Variants in CASK observed in about 807,000 individuals in gnomAD.
The protein encoded by CASK is peripheral plasma membrane protein CASK.
A neutral mutation model predicts 82.9 loss-of-function variants in CASK; 4 were observed. The observed-to-expected ratio is 0.05, with a 90% CI of 0.02 to 0.11. CASK has a LOEUF of 0.11. Ranked by LOEUF, CASK falls within the 10% of genes least tolerant of loss-of-function variation. The pLI is 1.00. For synonymous variants in CASK, 259 were observed against 253.5 expected (o/e 1.02, Z -0.20); for missense variants, 358 against 720.9 (o/e 0.50, Z 5.76).
intron 5 of CASK, chrX:41,683,484 A>G (rs2067395703): frequency 8.9e-6 from 1 of 112,349 alleles, no homozygotes; most frequent in South Asian, 3.7e-4. Flanking sequence ...ACATTTTTAA[A>G]GCCAAACCTC....
In CASK at chrX:41,518,364, C is replaced by T. The variant is rs2064589441; in HGVS notation, c.*2056G>A. 1 of 111,252 alleles carries T rather than the reference C, an allele frequency of 9.0e-6. No individual in the cohort carries two copies. Among genetic ancestry groups the T allele is most frequent in the South Asian group, 3.8e-4 (1 of 2,613 alleles). The allele number at this position is 111,252 out of a possible 1,213,427, so 9.2% of individuals were successfully genotyped here. ...GTCTGGCCTTGGCATCTATCAGATT[C>T]GAATCAGTTCTAACACAGCCCTACC... On this transcript the variant is annotated 3_prime_UTR_variant, in exon 27 of 27. Coordinates refer to ENST00000378163, the MANE Select transcript of CASK (RefSeq NM_001367721.1).
At chrX:41,710,316 T>C (rs1395982074) in intron 5 of CASK, among the ~76,000 whole-genome samples, 1 of 111,308 alleles carries the variant, frequency 9.0e-6, no homozygotes, top group Admixed American at 9.6e-5. Flanking sequence ...TCAAAATTTG[T>C]CCCTCAAATA....
At chrX:41,777,899 G>A (rs1321575789) in intron 3 of CASK, among the ~76,000 whole-genome samples, 1 of 111,490 alleles carries the variant, frequency 9.0e-6, no homozygotes, top group African/African-American at 3.3e-5. Context: ...AGCAATCAAG[G>A]GGCGTGAACA....
intron 6 of CASK, chrX:41,665,674 T>C: frequency 4.6e-6 from 2 of 430,115 alleles, no homozygotes; most frequent in Non-Finnish European, 8.1e-6. Flanking sequence ...TATTCTGTCT[T>C]GTACACTGGC....
chrX:41,923,148 G>T lies in CASK; in HGVS notation c.-160C>A. Reference sequence around the variant, plus strand: ...AGTGGGGCCGCGAGGCCCAGAGACTGCGGCGCCTTCCTCTGCAGGCGACCG... The same window carrying T: ...AGTGGGGCCGCGAGGCCCAGAGACTTCGGCGCCTTCCTCTGCAGGCGACCG... On this transcript the variant is annotated 5_prime_UTR_variant, in exon 1 of 27. Coordinates refer to ENST00000378163, the MANE Select transcript of CASK (RefSeq NM_001367721.1). 3.1e-6 allele frequency: 1 copy of T among 322,791 alleles called. No individual in the cohort carries two copies. Among genetic ancestry groups the T allele is most frequent in the East Asian group, 5.2e-5 (1 of 19,245 alleles). 26.6% of individuals were successfully genotyped at this position (322,791 alleles called of 1,213,427 possible).
At chrX:41,848,087 T>C (rs184405950) in intron 2 of CASK, among the ~76,000 whole-genome samples, 1 of 112,685 alleles carries the variant, frequency 8.9e-6, no homozygotes, top group African/African-American at 3.2e-5. Context: ...GCTTTTAGGT[T>C]AGCTTTTTGT....
intron 6 of CASK, among the ~76,000 whole-genome samples, chrX:41,671,169 A>G (rs1174638630): frequency 8.9e-6 from 1 of 112,421 alleles, no homozygotes; most frequent in Non-Finnish European, 1.9e-5. Flanking sequence ...TTTTCTCTGA[A>G]CACTGTTTTA....
chrX:41,748,873 T>C (rs2068740027), intron 3 of CASK, among the ~76,000 whole-genome samples: 1 of 112,239 alleles, frequency 8.9e-6, no homozygotes, highest in South Asian at 3.7e-4. Flanking sequence ...TCTGGTCATA[T>C]CTGAAATACT....
intron 4 of CASK, 172 bp downstream of exon 4, chrX:41,745,352 G>A (rs1037540767): frequency 2.9e-5 from 14 of 480,234 alleles, no homozygotes; most frequent in Non-Finnish European, 4.5e-5. Context: ...CTCATTGTTC[G>A]GTATTTTGCA....
intron 10 of CASK, among the ~76,000 whole-genome samples, chrX:41,623,085 G>A (rs1160023642): frequency 9.1e-6 from 1 of 109,913 alleles, no homozygotes; most frequent in Non-Finnish European, 1.9e-5. Flanking sequence ...GTAGAGACGG[G>A]GTTTCGCCAT....
At chrX:41,661,052 G>A (rs1287494820) in intron 7 of CASK, among the ~76,000 whole-genome samples, 2 of 112,118 alleles carry the variant, frequency 1.8e-5, no homozygotes, top group East Asian at 2.8e-4. Flanking sequence ...TTCTACTACC[G>A]TAGGTCCCAC....
At chrX:41,520,669 T>A in intron 26 of CASK, 73 bp from the exon 27 acceptor site, 1 of 904,608 alleles carries the variant, frequency 1.1e-6, no homozygotes, top group South Asian at 2.0e-5. Context: ...AGAAATCAGT[T>A]GGATTCGTTC....
At chrX:41,701,838 T>A (rs1343645477) in intron 5 of CASK, among the ~76,000 whole-genome samples, 2 of 112,440 alleles carry the variant, frequency 1.8e-5, no homozygotes, top group Non-Finnish European at 3.8e-5. Flanking sequence ...TTCCCATGCA[T>A]TATCATCAGT....
At position 41,874,424 on chromosome X, in the gene CASK, G is replaced by GT. The variant is rs1213186951; in HGVS notation, c.60-21198dup. ...CCACTTATATGTAAGAACATGCAGT[G>GT]TTTGGTCTTCTGTTCGTGTATTAGT... On this transcript the variant is annotated intron_variant, in intron 1 of 26. Transcript: ENST00000378163. 2.7e-5 allele frequency among the ~76,000 whole-genome samples: 3 copies of GT among 111,912 alleles called. No homozygotes were observed. The East Asian group carries it at 8.4e-4, about 31-fold the overall frequency.
intron 3 of CASK, among the ~76,000 whole-genome samples, chrX:41,770,847 A>G (rs2069232111): frequency 8.9e-6 from 1 of 111,910 alleles, no homozygotes; most frequent in Admixed American, 9.5e-5. Flanking sequence ...AGACCAAAGC[A>G]TGGAGAAAAA....
intron 11 of CASK, among the ~76,000 whole-genome samples, chrX:41,619,745 A>G (rs1311646887): frequency 1.8e-5 from 2 of 112,003 alleles, no homozygotes; most frequent in East Asian, 5.6e-4. Context: ...TCAGTGTTAA[A>G]GTAGGCTGAG....
rs187414328 is a variant in CASK, at chrX:41,833,485, G to A, written c.172+19630C>T. Among the ~76,000 whole-genome samples, 856 of 111,226 alleles carry A rather than the reference G, an allele frequency of 7.7e-3. 8 individuals carry two copies. Among genetic ancestry groups the A allele is most frequent in the African/African-American group, 0.027 (825 of 30,585 alleles). ...TGGTAATTGCCAGAGGCTGGGAGGGGGGAAAATAGTGGGTGTCTATGAAAA... is the reference window on the plus strand; with the variant it reads ...TGGTAATTGCCAGAGGCTGGGAGGGAGGAAAATAGTGGGTGTCTATGAAAA... On this transcript the variant is annotated intron_variant, in intron 2 of 26. Transcript: ENST00000378163.
chrX:41,669,811 T>C (rs1181936899), intron 6 of CASK, among the ~76,000 whole-genome samples: 1 of 111,601 alleles, frequency 9.0e-6, no homozygotes, highest in Non-Finnish European at 1.9e-5. Flanking sequence ...GTACTACCTG[T>C]AGTTAGAGTG....
chrX:41,841,514 T>C (rs1321079843), intron 2 of CASK, among the ~76,000 whole-genome samples: 1 of 105,410 alleles, frequency 9.5e-6, no homozygotes, highest in Non-Finnish European at 2.0e-5. Flanking sequence ...CCTTTTTGTT[T>C]TTTTTTTTTT....
Sources: allele counts gnomAD v4.1 joint callset (sites outside exome capture counted in the v4.1 genomes callset), GRCh38; gene constraint gnomAD v4.1.1; transcripts MANE v1.5; gene names NCBI Gene and HGNC (gene_info 2026-07-23, HGNC 2026-07-21).